The following ARHGAP39 variants were observed in gnomAD, a reference collection of about 807,000 sequenced individuals.
ARHGAP39 encodes Rho GTPase activating protein 39.
A neutral mutation model predicts 106.9 loss-of-function variants in ARHGAP39; 44 were observed. The ratio of observed to expected loss-of-function variants is 0.41; its 90% confidence interval spans 0.32 to 0.53. The LOEUF is 0.53. Among genes scored for constraint, ARHGAP39 ranks in the 20% least tolerant of loss-of-function variants. The probability of loss-of-function intolerance (pLI) is 0.21; values close to 1 mark genes in which losing one functional copy is unlikely to be tolerated. For missense variants in ARHGAP39, 1,496 were observed against 1,577.3 expected, an observed-to-expected ratio of 0.95 and a Z score of 0.87; for synonymous variants, 768 against 693.2, an observed-to-expected ratio of 1.11 and a Z score of -1.69.
At chr8:144,597,587 G>A (rs1419305128) in intron 2 of ARHGAP39, among the ~76,000 whole-genome samples, 1 of 152,212 alleles carries the variant, frequency 6.6e-6, no homozygotes, top group Non-Finnish European at 1.5e-5. Flanking sequence ...AGGGGGCGGG[G>A]GGAACCCAGG....
intron 3 of ARHGAP39, among the ~76,000 whole-genome samples, chr8:144,565,811 G>A (rs1336124940): frequency 2.6e-5 from 4 of 151,630 alleles, no homozygotes; most frequent in Admixed American, 6.6e-5. Flanking sequence ...ACAGTCTAAA[G>A]AAAAGGCCAG....
chr8:144,635,263 G>C (rs759858698), intron 1 of ARHGAP39, among the ~76,000 whole-genome samples: 7 of 152,348 alleles, frequency 4.6e-5, no homozygotes, highest in South Asian at 2.1e-4. Flanking sequence ...CATGGGGGGA[G>C]GCGAAAGAGG....
Position 144,604,178 on chromosome 8 carries a change from G to A in ARHGAP39, c.80+1357C>T, listed in dbSNP as rs1345163611. ...TCAGACACGGAGCCGGGCCCAGAGC[G>A]CCCAGAGGTGGCCGGGAGGCAGCAG... On this transcript the variant is annotated intron_variant, in intron 2 of 11. Transcript: ENST00000377307. The surrounding 1 kb of genome is among the most constrained non-coding windows in gnomAD (Gnocchi z 4.1). Among the ~76,000 whole-genome samples, 3 of 152,162 alleles carry A rather than the reference G, an allele frequency of 2.0e-5. No individual in the cohort carries two copies. Among genetic ancestry groups the A allele is most frequent in the African/African-American group, 4.8e-5 (2 of 41,434 alleles).
chr8:144,689,420 A>G (rs1342470599), upstream of ARHGAP39, among the ~76,000 whole-genome samples: 2 of 140,198 alleles, frequency 1.4e-5, no homozygotes, highest in African/African-American at 5.3e-5. Context: ...TTACCATCTT[A>G]ACCATCTTTT....
intron 3 of ARHGAP39, among the ~76,000 whole-genome samples, chr8:144,580,215 G>A (rs1380196595): frequency 1.3e-5 from 2 of 151,942 alleles, no homozygotes; most frequent in South Asian, 2.1e-4. Flanking sequence ...GACTCCAGAG[G>A]ACCACCTCCA....
chr8:144,530,075 G>A lies in ARHGAP39; in HGVS notation c.*347C>T, dbSNP rs963220747. The A allele has an allele frequency of 1.4e-5, 4 of 285,364 alleles. No individual in the cohort carries two copies. In the East Asian group the frequency reaches 2.4e-4, roughly 17 times the overall value. The allele number at this position is 285,364 out of a possible 1,614,324, so 17.7% of individuals were successfully genotyped here. ...GCAAGGCCCAGGCCAGGGCGCGCAG[G>A]AGCCACAGGGAGGCAGCCCGGCCCC... On this transcript the variant is annotated 3_prime_UTR_variant, in exon 12 of 12. Transcript: ENST00000377307.
intron 1 of ARHGAP39, among the ~76,000 whole-genome samples, chr8:144,650,816 G>A (rs1405468627): frequency 6.6e-6 from 1 of 152,098 alleles, no homozygotes; most frequent in African/African-American, 2.4e-5. Flanking sequence ...GGTAAAAGCT[G>A]GAAGCATTCC....
rs149185326 is a variant in ARHGAP39, at chr8:144,611,110, C to T, written c.-81-5415G>A. 2.8e-3 allele frequency among the ~76,000 whole-genome samples: 428 copies of T among 152,366 alleles called. 3 individuals are homozygous for T. Among genetic ancestry groups the T allele is most frequent in the African/African-American group, 9.7e-3 (405 of 41,592 alleles). ...CTGGGATTACAGGCGTGAGCCATCA[C>T]GCCCAGCCTCAGAAAGCTTTCTAAC... is the stretch of plus-strand genomic sequence containing the variant. On this transcript the variant is annotated intron_variant, in intron 1 of 11. Coordinates refer to ENST00000377307, the MANE Select transcript of ARHGAP39 (RefSeq NM_025251.3).
intron 2 of ARHGAP39, among the ~76,000 whole-genome samples, chr8:144,601,801 CTGTGTG>C (rs367845670): frequency 4.6e-4 from 52 of 112,302 alleles, no homozygotes; most frequent in East Asian, 1.2e-3. Flanking sequence ...GCTAATGTAC[CTGTGTG>C]TGTGTGTGGA....
chr8:144,623,149 CT>C (rs1820846886), intron 1 of ARHGAP39, among the ~76,000 whole-genome samples: 1 of 152,176 alleles, frequency 6.6e-6, no homozygotes, highest in African/African-American at 2.4e-5. Flanking sequence ...TAATTTTAGA[CT>C]TCAACAAATT....
chr8:144,633,951 T>C (rs1821126890), intron 1 of ARHGAP39, among the ~76,000 whole-genome samples: 1 of 152,252 alleles, frequency 6.6e-6, no homozygotes, highest in Non-Finnish European at 1.5e-5. Context: ...CAGTCAGTTG[T>C]AACAAACTGC....
At chr8:144,674,135 G>A (rs4637889) in intron 1 of ARHGAP39, among the ~76,000 whole-genome samples, 1,803 of 151,134 alleles carry the variant, frequency 0.012, 46 homozygotes, top group African/African-American at 0.041. Flanking sequence ...GGTGGGGGGC[G>A]GTGGTCGGGG....
intron 6 of ARHGAP39, among the ~76,000 whole-genome samples, chr8:144,544,681 G>A (rs1301302231): frequency 2.0e-5 from 3 of 152,238 alleles, no homozygotes; most frequent in Non-Finnish European, 4.4e-5. Flanking sequence ...CGCTGCCCCA[G>A]GCAGCCATCA....
intron 4 of ARHGAP39, among the ~76,000 whole-genome samples, chr8:144,552,381 G>C (rs569595969): frequency 6.6e-6 from 1 of 152,276 alleles, no homozygotes; most frequent in Non-Finnish European, 1.5e-5. Flanking sequence ...TGGGAGAAGC[G>C]CGCGGCGGCA....
intron 1 of ARHGAP39, among the ~76,000 whole-genome samples, chr8:144,622,133 G>A (rs1048523575): frequency 1.3e-5 from 2 of 152,176 alleles, no homozygotes; most frequent in African/African-American, 4.8e-5. Flanking sequence ...CCACGGCCTC[G>A]TGCCAGCAGC....
At chr8:144,635,069 T>C (rs929420146) in intron 1 of ARHGAP39, among the ~76,000 whole-genome samples, 3 of 152,388 alleles carry the variant, frequency 2.0e-5, no homozygotes, top group African/African-American at 7.2e-5. Flanking sequence ...CTGTAAAATG[T>C]GTGCTTGGTC....
intron 2 of ARHGAP39, among the ~76,000 whole-genome samples, chr8:144,592,810 C>T (rs984084296): frequency 2.6e-5 from 4 of 152,210 alleles, no homozygotes; most frequent in Non-Finnish European, 5.9e-5. Flanking sequence ...AGGGGTCCCA[C>T]AGACTGGCTG....
chr8:144,636,269 CAGAAGA>C (rs1185746090), intron 1 of ARHGAP39, among the ~76,000 whole-genome samples: 1 of 152,116 alleles, frequency 6.6e-6, no homozygotes, highest in Non-Finnish European at 1.5e-5. Context: ...GGGGTGAGTG[CAGAAGA>C]AAAACTTCTT....
At chr8:144,681,016 G>A (rs1822403249) in intron 1 of ARHGAP39, among the ~76,000 whole-genome samples, 1 of 152,206 alleles carries the variant, frequency 6.6e-6, no homozygotes, top group South Asian at 2.1e-4. Context: ...GGTCTCAGGT[G>A]TCTTGATACC....
Sources: gnomAD v4.1 joint callset for allele counts (sites outside exome capture counted in the v4.1 genomes callset) on GRCh38, gnomAD v4.1.1 for gene constraint, Gnocchi (gnomAD v3.1) non-coding constraint, MANE v1.5 for transcripts, NCBI Gene and HGNC (gene_info 2026-07-23, HGNC 2026-07-21) for gene names.